GALNT14: variants seen among roughly 807,000 people sequenced by gnomAD.
GALNT14 encodes polypeptide N-acetylgalactosaminyltransferase 14, also known as UDP-GalNAc:polypeptide N-acetylgalactosaminyltransferase 14.
Under a neutral mutation model 77.5 loss-of-function variants are expected in GALNT14, and 60 were observed. The observed-to-expected ratio is 0.77, with a 90% CI of 0.63 to 0.96. The LOEUF (loss-of-function observed/expected upper bound fraction) is 0.96, where lower values mean the gene tolerates loss of function less well. Among genes scored for constraint, GALNT14 ranks in the 40% least tolerant of loss-of-function variants. The pLI, the probability that GALNT14 is intolerant of heterozygous loss-of-function variation, is 0.00. For missense variants in GALNT14, 710 were observed against 731.0 expected (o/e 0.97, Z 0.33); for synonymous variants, 280 against 281.7 (o/e 0.99, Z 0.06).
intron 1 of GALNT14, among the ~76,000 whole-genome samples, chr2:31,067,336 G>C (rs567372792): frequency 2.0e-5 from 3 of 152,328 alleles, no homozygotes; most frequent in South Asian, 4.2e-4. Context: ...CCAAAGAGAA[G>C]ATGAGTGCCC....
At chr2:30,889,929 T>A in the GALNT14 span, among the ~76,000 whole-genome samples, 1 of 152,232 alleles carries the variant, frequency 6.6e-6, no homozygotes, top group Non-Finnish European at 1.5e-5. Context: ...ACAAGTTTTA[T>A]AAAATAATTT....
At chr2:30,992,418 G>T (rs906176750) in intron 2 of GALNT14, among the ~76,000 whole-genome samples, 1 of 152,172 alleles carries the variant, frequency 6.6e-6, no homozygotes, top group Non-Finnish European at 1.5e-5. Flanking sequence ...CCCAGTCACA[G>T]AAAACACCGC....
intron 1 of GALNT14, among the ~76,000 whole-genome samples, chr2:31,071,282 C>G (rs1198687004): frequency 6.6e-6 from 1 of 152,130 alleles, no homozygotes; most frequent in African/African-American, 2.4e-5. Context: ...AAAGTAGAAC[C>G]AGGGTCAACC....
rs750350211 is a variant in GALNT14 at position 30,911,070 on chromosome 2, AAAG to A, written c.1501-14_1501-12del. 1 of 1,612,986 alleles carries A rather than the reference AAAG, an allele frequency of 6.2e-7. No individual in the cohort carries two copies. Among genetic ancestry groups the A allele is most frequent in the South Asian group, 1.1e-5 (1 of 91,032 alleles). Reference sequence around the variant, plus strand: ...AGTTTTGGTCCATTGCTGGTAAGACAAAGAAGAGAGTGAATGAACTAGGTGCCA... The same window carrying A: ...AGTTTTGGTCCATTGCTGGTAAGACAAAGAGAGTGAATGAACTAGGTGCCA... On this transcript the variant is annotated splice_polypyrimidine_tract_variant and intron_variant, in intron 14 of 14. Coordinates refer to ENST00000349752, the MANE Select transcript of GALNT14 (RefSeq NM_024572.4).
intron 9 of GALNT14, among the ~76,000 whole-genome samples, chr2:30,933,568 C>T (rs1009832067): frequency 1.3e-5 from 2 of 152,206 alleles, no homozygotes; most frequent in Admixed American, 6.5e-5. Flanking sequence ...CCCTACTCCA[C>T]CACCTTCTCT....
intron 2 of GALNT14, among the ~76,000 whole-genome samples, chr2:30,987,762 A>C (rs1035716618): frequency 8.3e-6 from 1 of 121,092 alleles, no homozygotes; most frequent in South Asian, 2.7e-4. Context: ...CTCCCACATC[A>C]TGCGGCATCT....
At chr2:31,115,785 A>C (rs1678074712) in intron 1 of GALNT14, among the ~76,000 whole-genome samples, 2 of 152,248 alleles carry the variant, frequency 1.3e-5, no homozygotes, top group Admixed American at 6.5e-5. Flanking sequence ...TGCCAGGCAC[A>C]GTGGCTCACG....
intron 1 of GALNT14, among the ~76,000 whole-genome samples, chr2:31,121,486 T>C (rs1317096650): frequency 6.6e-6 from 1 of 152,082 alleles, no homozygotes; most frequent in Non-Finnish European, 1.5e-5. Flanking sequence ...CCCCAGTGAG[T>C]GGAGTATAAT....
chr2:31,011,540 C>T (rs181379953), intron 1 of GALNT14, among the ~76,000 whole-genome samples: 1 of 152,162 alleles, frequency 6.6e-6, no homozygotes, highest in East Asian at 1.9e-4. Flanking sequence ...TCTTTTCTTC[C>T]CCAGAAATAG....
At position 30,910,979 on chromosome 2, in the gene GALNT14, G is replaced by A. The variant is rs756921306; in HGVS notation, c.1581C>T (p.Thr527=). 6 of 1,614,038 alleles carry A rather than the reference G, an allele frequency of 3.7e-6. No homozygotes were observed. The highest frequency in any genetic ancestry group is 5.1e-6 in the Non-Finnish European group (6 of 1,179,998). ...TGACGACGATTTCCTTGCCGTTCTC[G>A]GTGCCATCACCGAACATATCTGTAT... is the stretch of plus-strand genomic sequence containing the variant. The part of the protein sequence containing the change: ...CLDTDMFGDG[T]ENGKEIVVNP... The change falls in exon 15 of 15, where the codon ACC becomes ACT. Residue 527 remains threonine (T), a synonymous_variant. Transcript: ENST00000349752.
intron 3 of GALNT14, 147 bp downstream of exon 3, chr2:30,966,057 T>A: frequency 1.6e-6 from 1 of 610,382 alleles, no homozygotes; most frequent in Non-Finnish European, 3.0e-6. Context: ...AGTGACTGAG[T>A]GGACACATGT....
At chr2:30,966,595 G>A (rs1349866940) in intron 2 of GALNT14, among the ~76,000 whole-genome samples, 1 of 152,180 alleles carries the variant, frequency 6.6e-6, no homozygotes, top group Non-Finnish European at 1.5e-5. Flanking sequence ...TTGCATGCCT[G>A]AGCCAGTGCA....
chr2:31,005,628 G>A (rs1670626700), intron 1 of GALNT14, among the ~76,000 whole-genome samples: 1 of 152,180 alleles, frequency 6.6e-6, no homozygotes, highest in Non-Finnish European at 1.5e-5. Flanking sequence ...GTCAATTTAA[G>A]TTTAGCTGCT....
chr2:31,053,915 T>C (rs1674053871), intron 1 of GALNT14, among the ~76,000 whole-genome samples: 1 of 152,216 alleles, frequency 6.6e-6, no homozygotes, highest in Non-Finnish European at 1.5e-5. Flanking sequence ...TACCAGATCT[T>C]ACACACCCTT....
At chr2:31,040,674 C>T (rs1399163310) in intron 1 of GALNT14, among the ~76,000 whole-genome samples, 1 of 152,180 alleles carries the variant, frequency 6.6e-6, no homozygotes, top group African/African-American at 2.4e-5. Flanking sequence ...CTCAACTCTT[C>T]AGAACTGATA....
At chr2:30,934,450 A>G (rs1558419011) in intron 9 of GALNT14, among the ~76,000 whole-genome samples, 1 of 152,170 alleles carries the variant, frequency 6.6e-6, no homozygotes, top group Non-Finnish European at 1.5e-5. Flanking sequence ...TCTTCTAAAG[A>G]TATGTACGGG....
chr2:31,054,864 C>A (rs187957192), intron 1 of GALNT14, among the ~76,000 whole-genome samples: 87 of 152,256 alleles, frequency 5.7e-4, no homozygotes, highest in African/African-American at 2.0e-3. Context: ...AGCATCATAA[C>A]ATCAGAGCCA....
chr2:30,955,319 G>A (rs113978311), intron 6 of GALNT14, among the ~76,000 whole-genome samples: 9 of 152,282 alleles, frequency 5.9e-5, no homozygotes, highest in African/African-American at 1.9e-4. Context: ...CCGGTTCTGG[G>A]CAGTTCATTC....
chr2:30,985,924 GC>G (rs1414812260), intron 2 of GALNT14, among the ~76,000 whole-genome samples: 1 of 152,202 alleles, frequency 6.6e-6, no homozygotes, highest in African/African-American at 2.4e-5. Flanking sequence ...TGCCATTCCA[GC>G]TGTAAAGATT....
Sources: allele counts gnomAD v4.1 joint callset (sites outside exome capture counted in the v4.1 genomes callset), GRCh38; gene constraint gnomAD v4.1.1; transcripts MANE v1.5; gene names NCBI Gene and HGNC (gene_info 2026-07-23, HGNC 2026-07-21).